The following USP32 variants were observed in gnomAD, a reference collection of about 807,000 sequenced individuals.
The protein encoded by USP32 is ubiquitin specific peptidase 32.
A neutral mutation model predicts 204.8 loss-of-function variants in USP32; 59 were observed. The observed-to-expected ratio is 0.29, with a 90% CI of 0.23 to 0.36. The LOEUF (loss-of-function observed/expected upper bound fraction) is 0.36. USP32 is among the 10% of genes least tolerant of loss of function. The pLI is 1.00. For synonymous variants in USP32, 517 were observed against 678.4 expected, an observed-to-expected ratio of 0.76 and a Z score of 3.70; for missense variants, 1,160 against 1,946.4, an observed-to-expected ratio of 0.60 and a Z score of 7.60.
intron 1 of USP32, among the ~76,000 whole-genome samples, chr17:60,350,101 C>T (rs917554796): frequency 2.6e-5 from 4 of 151,846 alleles, no homozygotes; most frequent in Non-Finnish European, 5.9e-5. Context: ...CAACCTCTGC[C>T]TCCCAGGCTC....
rs2089848266 is a variant in USP32, at chr17:60,392,046, C to T, written c.-107G>A. The stretch of plus-strand genomic sequence containing the variant: ...TGACGGTGACGGTGTCGGCGTCCCC[C>T]GCCCCCACCTCCCCCCACACTAACA... On this transcript the variant is annotated 5_prime_UTR_variant, in exon 1 of 34. Coordinates refer to ENST00000300896, the MANE Select transcript of USP32 (RefSeq NM_032582.4). 1 of 1,334,036 alleles carries T rather than the reference C, an allele frequency of 7.5e-7. No individual in the cohort carries two copies. Among genetic ancestry groups the T allele is most frequent in the Non-Finnish European group, 1.0e-6 (1 of 974,140 alleles). 82.6% of individuals were successfully genotyped at this position (1,334,036 alleles called of 1,614,324 possible).
At chr17:60,311,948 G>C (rs949811591) in intron 2 of USP32, among the ~76,000 whole-genome samples, 1 of 152,180 alleles carries the variant, frequency 6.6e-6, no homozygotes, top group South Asian at 2.1e-4. Flanking sequence ...ATAAGGTAAA[G>C]GGTTATCCCA....
At chr17:60,403,170 C>A (rs1168816312) in intron 1 of USP32, among the ~76,000 whole-genome samples, 1 of 152,116 alleles carries the variant, frequency 6.6e-6, no homozygotes, top group African/African-American at 2.4e-5. Context: ...CGCCACCACG[C>A]CCAGCTAATT....
chr17:60,308,692 C>T (rs931498502), intron 2 of USP32, among the ~76,000 whole-genome samples: 1 of 152,194 alleles, frequency 6.6e-6, no homozygotes, highest in Non-Finnish European at 1.5e-5. Context: ...CTTTGGGAGG[C>T]TGAGGCAAGT....
intron 11 of USP32, among the ~76,000 whole-genome samples, chr17:60,238,803 C>CAAAA (rs562875704): frequency 1.0e-5 from 1 of 95,758 alleles, no homozygotes. Flanking sequence ...GACTCCATCT[C>CAAAA]AAAAAAAAAA....
upstream of USP32, chr17:60,392,531 G>A (rs1193188949): frequency 2.4e-5 from 9 of 376,120 alleles, no homozygotes; most frequent in Non-Finnish European, 4.9e-5. Flanking sequence ...GGTGGGGTCC[G>A]AGCAGCTGAC....
chr17:60,280,283 G>C (rs1209458154), intron 5 of USP32, among the ~76,000 whole-genome samples: 10 of 152,094 alleles, frequency 6.6e-5, no homozygotes, highest in Non-Finnish European at 1.5e-4. Context: ...TTTTAGTAGA[G>C]ACGGGGTTTC....
chr17:60,232,758 G>T (rs1261664042), intron 12 of USP32, among the ~76,000 whole-genome samples: 1 of 151,932 alleles, frequency 6.6e-6, no homozygotes, highest in Non-Finnish European at 1.5e-5. Context: ...GGTTGGGCAG[G>T]TTGGTGCTGA....
intron 16 of USP32, among the ~76,000 whole-genome samples, chr17:60,215,486 T>TAA (rs869230888): frequency 2.1e-5 from 3 of 140,254 alleles, no homozygotes; most frequent in African/African-American, 2.6e-5. Flanking sequence ...AGGACAGAGT[T>TAA]AAAAAAAAAA....
At chr17:60,183,093 C>G in intron 31 of USP32, 72 bp downstream of exon 31, 1 of 1,507,524 alleles carries the variant, frequency 6.6e-7, no homozygotes, top group Non-Finnish European at 8.9e-7. Flanking sequence ...TGTTCCAGAA[C>G]AGAAGACAGA....
At position 60,265,402 on chromosome 17, in the gene USP32, C is replaced by G; in HGVS notation, c.990+10G>C. ...TTAGAAAAAGATAAATTAGTTCTAT[C>G]TAGACTCACCTTTGTGGTGTCATGT... On this transcript the variant is annotated intron_variant, in intron 9 of 33. Transcript: ENST00000300896. The G allele has an allele frequency of 6.3e-7, 1 of 1,578,052 alleles. No homozygotes were observed. The highest frequency in any genetic ancestry group is 8.7e-7 in the Non-Finnish European group (1 of 1,150,186).
At chr17:60,238,751 TC>T (rs1245348535) in intron 11 of USP32, among the ~76,000 whole-genome samples, 1 of 147,360 alleles carries the variant, frequency 6.8e-6, no homozygotes, top group Non-Finnish European at 1.5e-5. Context: ...TTGCAGTGAG[TC>T]GAGATCATGC....
intron 1 of USP32, among the ~76,000 whole-genome samples, chr17:60,413,881 A>G (rs1332274944): frequency 2.2e-5 from 3 of 139,468 alleles, no homozygotes; most frequent in Non-Finnish European, 3.3e-5. Flanking sequence ...AAAAAGAAAA[A>G]AAAAAAAAAA....
chr17:60,223,100 C>G (rs921015318), intron 14 of USP32, among the ~76,000 whole-genome samples: 1 of 152,116 alleles, frequency 6.6e-6, no homozygotes, highest in Non-Finnish European at 1.5e-5. Flanking sequence ...AATAACTTCA[C>G]AGATTTCTTT....
intron 30 of USP32, among the ~76,000 whole-genome samples, chr17:60,185,035 T>C (rs1328160392): frequency 6.6e-6 from 1 of 152,152 alleles, no homozygotes; most frequent in Non-Finnish European, 1.5e-5. Flanking sequence ...CTCAACTCAG[T>C]AGTGTGCCAT....
rs1218526189 is a variant in USP32, at chr17:60,178,546, C to G, written c.*709G>C. ...TTTCCCAGGATGCTGTTTCTTTCTACTGGGTCTCCCACAAGGCTCTGGGTG... is the reference window on the plus strand; with the variant it reads ...TTTCCCAGGATGCTGTTTCTTTCTAGTGGGTCTCCCACAAGGCTCTGGGTG... On this transcript the variant is annotated 3_prime_UTR_variant, in exon 34 of 34. Coordinates refer to ENST00000300896, the MANE Select transcript of USP32 (RefSeq NM_032582.4). Among the ~76,000 whole-genome samples the G allele has an allele frequency of 6.6e-6, 1 of 152,178 alleles. No homozygotes were observed. Among genetic ancestry groups the G allele is most frequent in the Non-Finnish European group, 1.5e-5 (1 of 68,022 alleles).
intron 1 of USP32, among the ~76,000 whole-genome samples, chr17:60,362,760 G>A (rs1467706042): frequency 6.6e-6 from 1 of 151,464 alleles, no homozygotes; most frequent in African/African-American, 2.4e-5. Context: ...ACAAACTTCT[G>A]AAGCTATCAA....
intron 5 of USP32, 65 bp from the exon 6 acceptor site, chr17:60,271,546 C>A (rs1240782524): frequency 6.6e-7 from 1 of 1,512,094 alleles, no homozygotes; most frequent in Non-Finnish European, 9.0e-7. Flanking sequence ...TCAGTTCATC[C>A]TGATAATATA....
At chr17:60,231,168 A>G (rs1380473959) in intron 12 of USP32, among the ~76,000 whole-genome samples, 4 of 152,168 alleles carry the variant, frequency 2.6e-5, no homozygotes, top group South Asian at 2.1e-4. Flanking sequence ...TAAATAGTTT[A>G]TGTGTTCTAA....
Sources: allele counts gnomAD v4.1 joint callset (sites outside exome capture counted in the v4.1 genomes callset), GRCh38; gene constraint gnomAD v4.1.1; transcripts MANE v1.5; gene names NCBI Gene and HGNC (gene_info 2026-07-23, HGNC 2026-07-21).